The following SSBP3 variants were observed in gnomAD, a reference collection of about 807,000 sequenced individuals.
The protein encoded by SSBP3 is single-stranded DNA-binding protein 3.
In SSBP3, 5 loss-of-function variants were observed where a neutral mutation model predicts 69.6. That is an observed-to-expected ratio of 0.07 (90% CI 0.04 to 0.15). The LOEUF is 0.15. SSBP3 is among the 10% of genes least tolerant of loss of function. The pLI is 1.00. For synonymous variants in SSBP3, 196 were observed against 193.4 expected (o/e 1.01, Z -0.11); for missense variants, 312 against 534.0 (o/e 0.58, Z 4.10).
intron 10 of SSBP3, among the ~76,000 whole-genome samples, chr1:54,242,557 G>C (rs1644658459): frequency 6.6e-6 from 1 of 152,176 alleles, no homozygotes; most frequent in Non-Finnish European, 1.5e-5. Flanking sequence ...CTGTCCAGAG[G>C]TTCAACTCTT....
At chr1:54,383,896 G>A (rs141571659) in intron 4 of SSBP3, among the ~76,000 whole-genome samples, 21 of 152,218 alleles carry the variant, frequency 1.4e-4, no homozygotes, top group African/African-American at 5.1e-4. Context: ...CACGAGGTCA[G>A]GAGATCGAGA....
At chr1:54,238,202 C>T (rs3766447) in intron 14 of SSBP3, 93 of 471,068 alleles carry the variant, frequency 2.0e-4, no homozygotes, top group East Asian at 1.3e-3. Context: ...AGCCCGCGCT[C>T]GGGGTTTAAC....
At chr1:54,299,808 C>G (rs1017513303) in intron 4 of SSBP3, among the ~76,000 whole-genome samples, 2 of 152,186 alleles carry the variant, frequency 1.3e-5, no homozygotes, top group South Asian at 4.1e-4. Context: ...AAACCCAGAT[C>G]GCTCACACGG....
At chr1:54,340,720 G>A (rs908096289) in intron 4 of SSBP3, among the ~76,000 whole-genome samples, 6 of 152,214 alleles carry the variant, frequency 3.9e-5, no homozygotes, top group Non-Finnish European at 8.8e-5. Flanking sequence ...AGGTGGAGAG[G>A]CAGGAGACAG....
chr1:54,383,031 A>AGAAAGAAAGAAAGAGAAGGAAGGAAG (rs1647794483), intron 4 of SSBP3, among the ~76,000 whole-genome samples: 1 of 149,988 alleles, frequency 6.7e-6, no homozygotes, highest in African/African-American at 2.4e-5. Context: ...AAGAAAGAAA[A>AGAAAGAAAGAAAGAGAAGGAAGGAAG]GAAAGAAAGA....
chr1:54,285,103 A>C (rs1645464498), intron 4 of SSBP3, among the ~76,000 whole-genome samples: 1 of 152,238 alleles, frequency 6.6e-6, no homozygotes, highest in African/African-American at 2.4e-5. Flanking sequence ...TCAAGCAGCA[A>C]AACTAAGTCG....
rs868155430 is a variant in SSBP3 at position 54,341,330 on chromosome 1, C to T, written c.277-59803G>A. 2.0e-5 allele frequency among the ~76,000 whole-genome samples: 3 copies of T among 152,136 alleles called. No individual in the cohort carries two copies. In the South Asian group the frequency reaches 6.2e-4, roughly 32 times the overall value. ...TTGTGGACTGCTGGCCAGACGTCTCCCCTTTAATGTGTTGGGGGCTCCACT... is the reference window on the plus strand; with the variant it reads ...TTGTGGACTGCTGGCCAGACGTCTCTCCTTTAATGTGTTGGGGGCTCCACT... On this transcript the variant is annotated intron_variant, in intron 4 of 17. Coordinates refer to ENST00000610401, the Ensembl canonical transcript of SSBP3.
At chr1:54,311,225 C>T (rs1300997932) in intron 4 of SSBP3, among the ~76,000 whole-genome samples, 2 of 152,172 alleles carry the variant, frequency 1.3e-5, no homozygotes, top group Non-Finnish European at 2.9e-5. Context: ...GACGGAAATC[C>T]ACCACCAGTG....
At chr1:54,309,277 C>T (rs1009834513) in intron 4 of SSBP3, among the ~76,000 whole-genome samples, 4 of 152,202 alleles carry the variant, frequency 2.6e-5, no homozygotes, top group Non-Finnish European at 4.4e-5. Flanking sequence ...AAATTTCAAA[C>T]TGAGCCACCC....
intron 4 of SSBP3, among the ~76,000 whole-genome samples, chr1:54,353,579 G>A (rs902189965): frequency 6.6e-6 from 1 of 152,184 alleles, no homozygotes; most frequent in Admixed American, 6.5e-5. Context: ...GTATCCAGGT[G>A]ACCCAGGTGC....
chr1:54,328,142 C>T (rs1646344025), intron 4 of SSBP3, among the ~76,000 whole-genome samples: 1 of 152,150 alleles, frequency 6.6e-6, no homozygotes, highest in Non-Finnish European at 1.5e-5. Flanking sequence ...AGGCAGATCA[C>T]ATGCAGGGCG....
chr1:54,292,878 A>G (rs963948571), intron 4 of SSBP3, among the ~76,000 whole-genome samples: 11 of 152,034 alleles, frequency 7.2e-5, no homozygotes, highest in African/African-American at 2.7e-4. Flanking sequence ...CATCACAGTT[A>G]TCAGCCCCTC....
In SSBP3 at chr1:54,309,936, C is replaced by T. The variant is rs542625197; in HGVS notation, c.277-28409G>A. ...TGCTCTTGTTGCTCGGATGTTGGTG[C>T]GGGAAGGGGTGGGGGGAGCACAAAT... On this transcript the variant is annotated intron_variant, in intron 4 of 17. Coordinates refer to ENST00000610401, the Ensembl canonical transcript of SSBP3. Among the ~76,000 whole-genome samples the T allele has an allele frequency of 7.9e-5, 12 of 152,070 alleles. No homozygotes were observed. In the South Asian group the frequency reaches 1.7e-3, roughly 21 times the overall value.
chr1:54,376,158 T>C, intron 4 of SSBP3, among the ~76,000 whole-genome samples: 1 of 147,334 alleles, frequency 6.8e-6, no homozygotes, highest in South Asian at 2.2e-4. Flanking sequence ...TGGTCTCCCC[T>C]CCACCCTGTT....
intron 4 of SSBP3, among the ~76,000 whole-genome samples, chr1:54,300,548 G>T (rs1229033678): frequency 6.6e-6 from 1 of 152,194 alleles, no homozygotes; most frequent in East Asian, 1.9e-4. Context: ...GTACCGCACA[G>T]GCCTGTACTC....
intron 4 of SSBP3, among the ~76,000 whole-genome samples, chr1:54,333,334 C>G (rs1646453467): frequency 6.6e-6 from 1 of 152,170 alleles, no homozygotes; most frequent in Non-Finnish European, 1.5e-5. Context: ...GAGCAGATGC[C>G]TCTCCCATTT....
intron 4 of SSBP3, among the ~76,000 whole-genome samples, chr1:54,330,004 G>A (rs535246321): frequency 1.8e-4 from 28 of 152,202 alleles, no homozygotes; most frequent in East Asian, 1.4e-3. Flanking sequence ...CACACCTGGC[G>A]CCCCACCATA....
intron 4 of SSBP3, among the ~76,000 whole-genome samples, chr1:54,347,234 C>T (rs1285480844): frequency 6.6e-6 from 1 of 152,196 alleles, no homozygotes; most frequent in Non-Finnish European, 1.5e-5. Flanking sequence ...TCCCAAAGTA[C>T]TGGGGTTAGA....
chr1:54,251,608 G>A lies in SSBP3; in HGVS notation c.651+8C>T. ...AGGGAGACGGACGGACAGACAGGCGGTGGTTACCTGTGGGCCGGGACCCAT... is the reference window on the plus strand; with the variant it reads ...AGGGAGACGGACGGACAGACAGGCGATGGTTACCTGTGGGCCGGGACCCAT... On this transcript the variant is annotated splice_region_variant and intron_variant, in intron 9 of 17. Transcript: ENST00000610401. 1 of 1,551,396 alleles carries A rather than the reference G, an allele frequency of 6.4e-7. No individual in the cohort carries two copies. Among genetic ancestry groups the A allele is most frequent in the Non-Finnish European group, 8.7e-7 (1 of 1,146,780 alleles).
Sources: gnomAD v4.1 joint callset for allele counts (sites outside exome capture counted in the v4.1 genomes callset) on GRCh38, gnomAD v4.1.1 for gene constraint, MANE v1.5 for transcripts, NCBI Gene and HGNC (gene_info 2026-07-23, HGNC 2026-07-21) for gene names.